XPNPEP1: variants seen among roughly 807,000 people sequenced by gnomAD.
XPNPEP1 encodes the protein xaa-Pro aminopeptidase 1.
In XPNPEP1, 39 loss-of-function variants were observed where a neutral mutation model predicts 92.4. The ratio of observed to expected loss-of-function variants is 0.42; its 90% CI spans 0.33 to 0.55. XPNPEP1 has a LOEUF of 0.55. Ranked by LOEUF, XPNPEP1 falls within the 20% of genes least tolerant of loss-of-function variation. XPNPEP1 has a pLI of 0.08. For missense variants in XPNPEP1, 654 were observed against 856.1 expected (o/e 0.76, Z 2.95); for synonymous variants, 307 against 299.4 (o/e 1.03, Z -0.26).
chr10:109,917,089 T>C (rs549922557), intron 1 of XPNPEP1, among the ~76,000 whole-genome samples: 298 of 151,436 alleles, frequency 2.0e-3, no homozygotes, highest in African/African-American at 7.0e-3. Context: ...CAGGGATGTC[T>C]ACTCTTGGCA....
In XPNPEP1 at chr10:109,871,793, T is replaced by C. The variant is rs1847495149; in HGVS notation, c.1521A>G (p.Lys507=). ...VSAAVFPTGT[K]GHLLDSFARS... is the part of the protein sequence containing the mutation. ...CATGTGACAGAATGCACCACCTACC[T>C]TTGGTTCCAGTCGGGAAAACGGCTG... Residue 507 remains lysine, a splice_region_variant and synonymous_variant, in exon 17 of 21, where the codon AAA becomes AAG. Transcript: ENST00000502935. 6.2e-7 allele frequency: 1 copy of C among 1,613,904 alleles called. No individual in the cohort carries two copies. Among genetic ancestry groups the C allele is most frequent in the Non-Finnish European group, 8.5e-7 (1 of 1,179,988 alleles).
In XPNPEP1 at chr10:109,907,767, C is replaced by A; in HGVS notation, c.170G>T (p.Arg57Ile). 1 of 1,614,216 alleles carries A rather than the reference C, an allele frequency of 6.2e-7. No individual in the cohort carries two copies. The highest frequency in any genetic ancestry group is 8.5e-7 in the Non-Finnish European group (1 of 1,180,038). Residue 57 changes from arginine to isoleucine, a missense_variant, in exon 3 of 21, where the codon AGA (arginine) becomes ATA (isoleucine). By Grantham distance (97) the Arg-to-Ile change is moderately conservative. Coordinates refer to ENST00000502935, the MANE Select transcript of XPNPEP1 (RefSeq NM_020383.4). ...ATACTCAGAGTTCCTCATGGCTTGT[C>A]TCAGCTGCCGAAGCAGCTCTGAAGT... ...KVTSELLRQL[R>I]QAMRNSEYVT... is the part of the protein sequence containing the mutation.
rs1847361490 is a variant in XPNPEP1 at position 109,869,970 on chromosome 10, C to A, written c.1756G>T (p.Val586Phe). ...GIRIENVVLVVPVKTKYNFNN... is the reference protein window; with the variant it reads ...GIRIENVVLVFPVKTKYNFNN... Reference sequence around the variant, plus strand: ...ATCCTCACCTTGGTCTTCACAGGAACCACAAGGACAACATTCTCAATGCGA... The same window carrying A: ...ATCCTCACCTTGGTCTTCACAGGAAACACAAGGACAACATTCTCAATGCGA... The change falls in exon 19 of 21, where the codon GTT (valine) becomes TTT (phenylalanine). Residue 586 changes from valine to phenylalanine, a missense_variant. Transcript: ENST00000502935. 6.2e-7 allele frequency: 1 copy of A among 1,613,992 alleles called. No homozygotes were observed. Among genetic ancestry groups the A allele is most frequent in the African/African-American group, 1.3e-5 (1 of 74,918 alleles).
At chr10:109,909,625 A>G (rs913123897) in intron 2 of XPNPEP1, among the ~76,000 whole-genome samples, 6 of 152,196 alleles carry the variant, frequency 3.9e-5, no homozygotes, top group Non-Finnish European at 1.5e-5. Flanking sequence ...ATGTTCTGAT[A>G]AACATCATAG....
At chr10:109,890,603 A>T (rs866756501) in intron 5 of XPNPEP1, among the ~76,000 whole-genome samples, 4,451 of 144,872 alleles carry the variant, frequency 0.031, 76 homozygotes, top group South Asian at 0.093. Context: ...TGAGAGAGAG[A>T]GAGAGAGAGA....
chr10:109,875,930 T>C, intron 14 of XPNPEP1: 1 of 246,338 alleles, frequency 4.1e-6, no homozygotes, highest in Non-Finnish European at 8.1e-6. Context: ...AACGATTAGA[T>C]GCAACAGGAC....
chr10:109,902,317 T>C (rs1564782239), intron 3 of XPNPEP1, among the ~76,000 whole-genome samples: 1 of 152,258 alleles, frequency 6.6e-6, no homozygotes, highest in Non-Finnish European at 1.5e-5. Context: ...CAATAGCCCA[T>C]GCGGTACATA....
At chr10:109,886,437 C>G (rs1207444212) in intron 7 of XPNPEP1, 96 bp from the exon 8 acceptor site, 2 of 1,135,382 alleles carry the variant, frequency 1.8e-6, no homozygotes, top group Non-Finnish European at 2.6e-6. Flanking sequence ...TAATCAGCAC[C>G]ATTTCTTACA....
chr10:109,915,063 T>C lies in XPNPEP1; in HGVS notation c.69A>G (p.Arg23=), dbSNP rs914560589. The C allele has an allele frequency of 2.6e-6, 4 of 1,529,850 alleles. No individual in the cohort carries two copies. The allele number at this position is 1,529,850 out of a possible 1,614,324, so 94.8% of individuals were successfully genotyped here. The change falls in exon 2 of 21, where the codon AGA becomes AGG. Residue 23 remains arginine (R), a synonymous_variant. Transcript: ENST00000502935. The part of the protein sequence containing the change: ...NHQDFQLRNL[R]IIEPNEVTHS... ...GTGTCACCTCGTTAGGTTCAATTATTCTTAAATTTCTCAGTTGAAAATCCT... is the reference window on the plus strand; with the variant it reads ...GTGTCACCTCGTTAGGTTCAATTATCCTTAAATTTCTCAGTTGAAAATCCT...
At chr10:109,917,428 G>C (rs1850253452) in intron 1 of XPNPEP1, among the ~76,000 whole-genome samples, 1 of 152,088 alleles carries the variant, frequency 6.6e-6, no homozygotes, top group Non-Finnish European at 1.5e-5. Flanking sequence ...CAAAAGAAGT[G>C]CAAAATGTAC....
At chr10:109,915,741 C>A (rs1331914846) in intron 1 of XPNPEP1, among the ~76,000 whole-genome samples, 2 of 152,210 alleles carry the variant, frequency 1.3e-5, no homozygotes, top group Non-Finnish European at 2.9e-5. Flanking sequence ...AAGATTTACA[C>A]ACAAACTTCT....
At chr10:109,883,332 A>C (rs1417902148) in intron 9 of XPNPEP1, among the ~76,000 whole-genome samples, 1 of 151,386 alleles carries the variant, frequency 6.6e-6, no homozygotes, top group African/African-American at 2.4e-5. Context: ...CCTGCCATTC[A>C]CCTAACTCAC....
intron 1 of XPNPEP1, among the ~76,000 whole-genome samples, chr10:109,918,643 C>G (rs1392265626): frequency 6.6e-6 from 1 of 151,898 alleles, no homozygotes; most frequent in Non-Finnish European, 1.5e-5. Context: ...CGCATGTAGT[C>G]CCAGCTACTC....
chr10:109,880,313 G>A (rs1589564405), intron 11 of XPNPEP1, 75 bp from the exon 12 acceptor site: 3 of 1,471,926 alleles, frequency 2.0e-6, no homozygotes, highest in Non-Finnish European at 9.5e-7. Context: ...TAGCCCTAAT[G>A]CAATACTGAG....
At chr10:109,884,921 T>C (rs780030783) in intron 8 of XPNPEP1, among the ~76,000 whole-genome samples, 1 of 152,184 alleles carries the variant, frequency 6.6e-6, no homozygotes, top group African/African-American at 2.4e-5. Context: ...TATTTTAAAA[T>C]AATGGCTTCT....
rs189360159 is a variant in XPNPEP1 at position 109,884,281 on chromosome 10, T to C, written c.749-133A>G. Reference sequence around the variant, plus strand: ...ATTCAGTGGAATCGCACAGAAAGGCTGGAAGCCTGACTCCCGTCTGGTTCC... The same window carrying C: ...ATTCAGTGGAATCGCACAGAAAGGCCGGAAGCCTGACTCCCGTCTGGTTCC... On this transcript the variant is annotated intron_variant, in intron 8 of 20. Coordinates refer to ENST00000502935, the MANE Select transcript of XPNPEP1 (RefSeq NM_020383.4). 274 of 823,384 alleles carry C rather than the reference T, an allele frequency of 3.3e-4. No individual in the cohort carries two copies. In the African/African-American group the frequency reaches 4.4e-3, roughly 13 times the overall value. The allele number at this position is 823,384 out of a possible 1,614,324, so 51.0% of individuals were successfully genotyped here. A position where few individuals can be genotyped will look rare whatever the true frequency, so the allele number is the denominator to read the frequency against.
intron 2 of XPNPEP1, among the ~76,000 whole-genome samples, chr10:109,910,902 C>G (rs1247501007): frequency 6.6e-6 from 1 of 152,240 alleles, no homozygotes; most frequent in Non-Finnish European, 1.5e-5. Context: ...ATGAGGTGAT[C>G]TTCAACGACT....
At chr10:109,878,867 C>T (rs761648625) in intron 12 of XPNPEP1, among the ~76,000 whole-genome samples, 41 of 151,200 alleles carry the variant, frequency 2.7e-4, no homozygotes, top group Non-Finnish European at 4.9e-4. Flanking sequence ...ACAGATGAGA[C>T]CCCATCTCAA....
Position 109,888,208 on chromosome 10 carries a change from G to T in XPNPEP1, c.509-16C>A. The T allele has an allele frequency of 6.2e-7, 1 of 1,607,536 alleles. No homozygotes were observed. Among genetic ancestry groups the T allele is most frequent in the Non-Finnish European group, 8.5e-7 (1 of 1,179,582 alleles). Reference sequence around the variant, plus strand: ...TTCCAATAATCTGAGGAGACACATTGTGGCCCAGCCATGAGCCGAACGCCC... The same window carrying T: ...TTCCAATAATCTGAGGAGACACATTTTGGCCCAGCCATGAGCCGAACGCCC... On this transcript the variant is annotated splice_polypyrimidine_tract_variant and intron_variant, in intron 6 of 20. Coordinates refer to ENST00000502935, the MANE Select transcript of XPNPEP1 (RefSeq NM_020383.4).
Sources: gnomAD v4.1 joint callset for allele counts (sites outside exome capture counted in the v4.1 genomes callset) on GRCh38, gnomAD v4.1.1 for gene constraint, MANE v1.5 for transcripts, NCBI Gene and HGNC (gene_info 2026-07-23, HGNC 2026-07-21) for gene names.